OR9Q1: variants seen among roughly 807,000 people sequenced by gnomAD.
OR9Q1 encodes the protein olfactory receptor 9Q1.
For missense variants in OR9Q1, 374 were observed against 378.8 expected (o/e 0.99, Z 0.11); for synonymous variants, 153 against 148.6 (o/e 1.03, Z -0.22).
intron 1 of OR9Q1, among the ~76,000 whole-genome samples, chr11:58,026,366 G>A (rs142127361): frequency 6.6e-6 from 1 of 152,014 alleles, no homozygotes; most frequent in Admixed American, 6.6e-5. Context: ...ATATTCAATG[G>A]TACATGTGCA....
At chr11:58,033,709 A>G (rs1853066446) in intron 1 of OR9Q1, among the ~76,000 whole-genome samples, 1 of 152,146 alleles carries the variant, frequency 6.6e-6, no homozygotes, top group Non-Finnish European at 1.5e-5. Flanking sequence ...CCATCCCACA[A>G]TATATCCTTG....
chr11:58,031,407 G>A lies in OR9Q1; in HGVS notation c.-93+7303G>A. On this transcript the variant is annotated intron_variant, in intron 1 of 2. Transcript: ENST00000335397. ...ACCTGCATCCGTCTGGCAGCTGCCT[G>A]TTGGCTGGTAGGTTTCCTCACACCC... 1.9e-6 allele frequency: 3 copies of A among 1,614,152 alleles called. No homozygotes were observed. The highest frequency in any genetic ancestry group is 2.2e-5 in the South Asian group (2 of 91,088).
chr11:58,075,209 T>A (rs2441962), intron 2 of OR9Q1, among the ~76,000 whole-genome samples: 3 of 152,076 alleles, frequency 2.0e-5, no homozygotes, highest in Admixed American at 2.0e-4. Context: ...GTATGGCCAT[T>A]TTCATGATAT....
intron 2 of OR9Q1, among the ~76,000 whole-genome samples, chr11:58,166,447 C>T (rs1562862): frequency 0.042 from 6,344 of 152,270 alleles, 168 homozygotes; most frequent in Middle Eastern, 0.088. Flanking sequence ...CTGCAACTTG[C>T]CATTCTACTT....
intron 2 of OR9Q1, among the ~76,000 whole-genome samples, chr11:58,076,488 CACA>C (rs1853540109): frequency 6.6e-6 from 1 of 152,326 alleles, no homozygotes; most frequent in South Asian, 2.1e-4. Flanking sequence ...CCACATCTCT[CACA>C]ACAAGGCAGC....
At chr11:58,102,517 T>C (rs1215816065) in intron 2 of OR9Q1, among the ~76,000 whole-genome samples, 1 of 151,942 alleles carries the variant, frequency 6.6e-6, no homozygotes, top group East Asian at 1.9e-4. Context: ...CTATCATTTC[T>C]GAAGCAAAGC....
At chr11:58,108,114 T>C (rs947246088) in intron 2 of OR9Q1, among the ~76,000 whole-genome samples, 2 of 152,084 alleles carry the variant, frequency 1.3e-5, no homozygotes, top group Non-Finnish European at 2.9e-5. Context: ...TTAGAAACCA[T>C]TTAGGAAGAC....
intron 2 of OR9Q1, among the ~76,000 whole-genome samples, chr11:58,130,195 A>G (rs1854127369): frequency 6.6e-6 from 1 of 152,186 alleles, no homozygotes; most frequent in Non-Finnish European, 1.5e-5. Flanking sequence ...TGTTTCTACA[A>G]TTCAATCAGA....
chr11:58,031,722 G>A (rs748139006), intron 1 of OR9Q1: 1 of 1,614,002 alleles, frequency 6.2e-7, no homozygotes, highest in African/African-American at 1.3e-5. Flanking sequence ...CTCTTCTATG[G>A]CACTCTTTTC....
chr11:58,164,034 C>T (rs1200976042), intron 2 of OR9Q1, among the ~76,000 whole-genome samples: 4 of 152,046 alleles, frequency 2.6e-5, no homozygotes, highest in African/African-American at 9.7e-5. Context: ...CCTTGGAGAC[C>T]CACACTGGCC....
chr11:58,047,008 C>T (rs1269508782), intron 1 of OR9Q1, among the ~76,000 whole-genome samples: 2 of 152,218 alleles, frequency 1.3e-5, no homozygotes, highest in Admixed American at 1.3e-4. Context: ...CATAAGTCTG[C>T]AAGGCTAAAT....
intron 1 of OR9Q1, among the ~76,000 whole-genome samples, chr11:58,042,215 C>G (rs1203689559): frequency 1.3e-5 from 2 of 152,106 alleles, no homozygotes; most frequent in Non-Finnish European, 2.9e-5. Context: ...GTCATTTATT[C>G]TTATTTGATC....
chr11:58,093,018 TAAA>T (rs908802866), intron 2 of OR9Q1, among the ~76,000 whole-genome samples: 1 of 152,112 alleles, frequency 6.6e-6, no homozygotes, highest in African/African-American at 2.4e-5. Context: ...TTCATGTTGA[TAAA>T]AAAATTTGGT....
chr11:58,030,478 G>C (rs1326021543), intron 1 of OR9Q1, among the ~76,000 whole-genome samples: 1 of 152,150 alleles, frequency 6.6e-6, no homozygotes, highest in Non-Finnish European at 1.5e-5. Context: ...TCTTTTATTT[G>C]AATCTAGGTA....
At chr11:58,100,955 G>C (rs1245081298) in intron 2 of OR9Q1, among the ~76,000 whole-genome samples, 2 of 152,182 alleles carry the variant, frequency 1.3e-5, no homozygotes, top group Middle Eastern at 3.4e-3. Flanking sequence ...ATATGTGGGA[G>C]CTAAAAAATT....
intron 1 of OR9Q1, among the ~76,000 whole-genome samples, chr11:58,054,347 G>A (rs1305179110): frequency 1.3e-5 from 2 of 152,118 alleles, no homozygotes; most frequent in African/African-American, 2.4e-5. Flanking sequence ...TTATAATAGA[G>A]CTCCTACCCG....
chr11:58,171,030 GA>G (rs1378515383), intron 2 of OR9Q1: 4 of 152,242 alleles, frequency 2.6e-5, no homozygotes, highest in African/African-American at 9.6e-5. Context: ...AAGGAACATG[GA>G]ATATTGAGGG....
chr11:58,099,388 G>GT (rs1212035663), intron 2 of OR9Q1, among the ~76,000 whole-genome samples: 3 of 150,820 alleles, frequency 2.0e-5, no homozygotes, highest in Non-Finnish European at 1.5e-5. Flanking sequence ...TTGAAGCTAT[G>GT]TTATTGGGTG....
rs562415165 is a variant in OR9Q1, at chr11:58,074,417, G to A, written c.-15+18470G>A. 3.9e-5 allele frequency among the ~76,000 whole-genome samples: 6 copies of A among 152,240 alleles called. No individual in the cohort carries two copies. In the East Asian group the frequency reaches 1.2e-3, roughly 29 times the overall value. On this transcript the variant is annotated intron_variant, in intron 2 of 2. Transcript: ENST00000335397. ...CCACATAAATATCTTCTTTTGAGAA[G>A]TGTGTTCATATCCTTTGCCCACTTT...
Sources: gnomAD v4.1 joint callset for allele counts (sites outside exome capture counted in the v4.1 genomes callset) on GRCh38, gnomAD v4.1.1 for gene constraint, MANE v1.5 for transcripts, NCBI Gene and HGNC (gene_info 2026-07-23, HGNC 2026-07-21) for gene names.